FARS2: variants seen among roughly 807,000 people sequenced by gnomAD.
FARS2 encodes phenylalanine--tRNA ligase, mitochondrial.
In FARS2, 40 loss-of-function variants were observed where a neutral mutation model predicts 46.4. The observed-to-expected ratio is 0.86, with a 90% CI of 0.67 to 1.12. FARS2 has a LOEUF of 1.12. Ranked by LOEUF, FARS2 falls within the 50% of genes most tolerant of loss-of-function variation. The pLI, the probability that FARS2 is intolerant of heterozygous loss-of-function variation, is 0.00. For synonymous variants in FARS2, 234 were observed against 214.9 expected, an observed-to-expected ratio of 1.09 and a Z score of -0.78; for missense variants, 513 against 567.9, an observed-to-expected ratio of 0.90 and a Z score of 0.98.
intron 4 of FARS2, among the ~76,000 whole-genome samples, chr6:5,483,052 T>C (rs189915): frequency 0.037 from 5,656 of 152,206 alleles, 343 homozygotes; most frequent in African/African-American, 0.13. Context: ...TAGGCACTCC[T>C]TGGGTCCATG....
intron 4 of FARS2, chr6:5,452,073 A>T (rs1764527466): frequency 6.6e-6 from 1 of 152,240 alleles, no homozygotes; most frequent in Non-Finnish European, 1.5e-5. Context: ...CTGCAGTATT[A>T]TACTGAAGAA....
At chr6:5,353,183 G>A (rs752588021) in intron 1 of FARS2, among the ~76,000 whole-genome samples, 5 of 151,974 alleles carry the variant, frequency 3.3e-5, no homozygotes, top group Non-Finnish European at 7.4e-5. Context: ...CTTTCATTTC[G>A]TTTAACATAA....
chr6:5,766,788 A>T (rs1762773980), intron 6 of FARS2, among the ~76,000 whole-genome samples: 1 of 152,168 alleles, frequency 6.6e-6, no homozygotes, highest in African/African-American at 2.4e-5. Context: ...ATTACCCCAA[A>T]GGAAAACCAT....
chr6:5,761,046 A>G (rs1319291355), intron 6 of FARS2, among the ~76,000 whole-genome samples: 1 of 152,178 alleles, frequency 6.6e-6, no homozygotes, highest in Non-Finnish European at 1.5e-5. Flanking sequence ...TAATACAATG[A>G]ATGCCCCTTG....
intron 4 of FARS2, among the ~76,000 whole-genome samples, chr6:5,507,403 A>G (rs1018810494): frequency 6.6e-6 from 1 of 151,896 alleles, no homozygotes; most frequent in Non-Finnish European, 1.5e-5. Context: ...AAAAAATCTG[A>G]TGTTTAGCTC....
chr6:5,379,418 A>G (rs1759607085), intron 2 of FARS2, among the ~76,000 whole-genome samples: 1 of 152,224 alleles, frequency 6.6e-6, no homozygotes, highest in Non-Finnish European at 1.5e-5. Flanking sequence ...ACAAACTCCA[A>G]CACAGAACTT....
rs981569567 is a variant in FARS2 at position 5,545,103 on chromosome 6, A to T, written c.905-77A>T. ...GGTAGGCATCTAATTAGTGTCACTGATAACTGTCAGGGAGTGGTATGAACC... is the reference window on the plus strand; with the variant it reads ...GGTAGGCATCTAATTAGTGTCACTGTTAACTGTCAGGGAGTGGTATGAACC... On this transcript the variant is annotated intron_variant, in intron 4 of 6. Transcript: ENST00000274680. The T allele has an allele frequency of 1.1e-5, 15 of 1,402,324 alleles. No homozygotes were observed. The African/African-American group carries it at 2.0e-4, about 19-fold the overall frequency. 86.9% of individuals were successfully genotyped at this position (1,402,324 alleles called of 1,614,324 possible).
chr6:5,632,524 T>A (rs562914690), intron 6 of FARS2, among the ~76,000 whole-genome samples: 1 of 152,202 alleles, frequency 6.6e-6, no homozygotes, highest in South Asian at 2.1e-4. Context: ...GGAAGCCGCA[T>A]ACCCATTTAG....
At position 5,764,899 on chromosome 6, in the gene FARS2, TCTC is replaced by T. The variant is rs1028235327; in HGVS notation, c.1218-6389_1218-6387del. Reference sequence around the variant, plus strand: ...TAAGGCTTGAGAGTTCTTTAGAAAATCTCCTTCTTGGCACACTTTGAACTGGAG... The same window carrying T: ...TAAGGCTTGAGAGTTCTTTAGAAAATCTTCTTGGCACACTTTGAACTGGAG... On this transcript the variant is annotated intron_variant, in intron 6 of 6. Transcript: ENST00000274680. The surrounding 1 kb of genome is among the most constrained non-coding windows in gnomAD (Gnocchi z 4.1). Among the ~76,000 whole-genome samples the T allele has an allele frequency of 7.2e-5, 11 of 152,170 alleles. No individual in the cohort carries two copies. The highest frequency in any genetic ancestry group is 1.5e-4 in the Non-Finnish European group (10 of 68,036).
intron 1 of FARS2, among the ~76,000 whole-genome samples, chr6:5,314,121 T>C (rs1042636581): frequency 6.6e-6 from 1 of 152,222 alleles, no homozygotes; most frequent in Non-Finnish European, 1.5e-5. Context: ...CCAGCAGTTC[T>C]GTAAATTAGA....
intron 6 of FARS2, among the ~76,000 whole-genome samples, chr6:5,641,256 C>G (rs531405671): frequency 6.6e-6 from 1 of 152,110 alleles, no homozygotes; most frequent in Admixed American, 6.5e-5. Context: ...ACTCTGTAAA[C>G]TGCACTATCC....
At chr6:5,339,973 G>C (rs1186174942) in intron 1 of FARS2, among the ~76,000 whole-genome samples, 1 of 152,218 alleles carries the variant, frequency 6.6e-6, no homozygotes, top group Non-Finnish European at 1.5e-5. Context: ...AGAGAAGTCA[G>C]GATAGCTGAA....
the FARS2 span, among the ~76,000 whole-genome samples, chr6:5,254,102 T>C: frequency 2.0e-5 from 3 of 152,164 alleles, no homozygotes; most frequent in African/African-American, 7.2e-5. Context: ...AGAAGTATGC[T>C]CAGCAAATCC....
At chr6:5,328,649 G>T (rs774602949) in intron 1 of FARS2, among the ~76,000 whole-genome samples, 1 of 151,956 alleles carries the variant, frequency 6.6e-6, no homozygotes, top group Non-Finnish European at 1.5e-5. Flanking sequence ...AAGGAGGACT[G>T]ATGGCAGCGT....
intron 5 of FARS2, among the ~76,000 whole-genome samples, chr6:5,559,189 G>A (rs910837364): frequency 1.3e-5 from 2 of 151,496 alleles, no homozygotes; most frequent in African/African-American, 4.9e-5. Context: ...GATCGCTTGA[G>A]CCCAAGCATT....
chr6:5,489,598 T>G (rs1419676982), intron 4 of FARS2, among the ~76,000 whole-genome samples: 2 of 152,212 alleles, frequency 1.3e-5, no homozygotes, highest in Non-Finnish European at 2.9e-5. Context: ...GTTCAACCCT[T>G]GTAATATGCT....
intron 6 of FARS2, among the ~76,000 whole-genome samples, chr6:5,737,471 C>A (rs1398520194): frequency 6.6e-6 from 1 of 152,234 alleles, no homozygotes; most frequent in Non-Finnish European, 1.5e-5. Flanking sequence ...GCGGAAGTTG[C>A]AGTGAGCCAA....
intron 6 of FARS2, among the ~76,000 whole-genome samples, chr6:5,675,649 A>T (rs1475525397): frequency 6.6e-6 from 1 of 152,236 alleles, no homozygotes; most frequent in Non-Finnish European, 1.5e-5. Flanking sequence ...AAGTTTCTGA[A>T]TATTTCATTT....
chr6:5,308,029 G>A (rs1363398694), intron 1 of FARS2, among the ~76,000 whole-genome samples: 1 of 152,208 alleles, frequency 6.6e-6, no homozygotes, highest in Non-Finnish European at 1.5e-5. Context: ...GGACAGTAGG[G>A]AAGGTGTGAG....
Sources: gnomAD v4.1 joint callset for allele counts (sites outside exome capture counted in the v4.1 genomes callset) on GRCh38, gnomAD v4.1.1 for gene constraint, Gnocchi (gnomAD v3.1) non-coding constraint, MANE v1.5 for transcripts, NCBI Gene and HGNC (gene_info 2026-07-23, HGNC 2026-07-21) for gene names.